RIMS1: variants seen among roughly 807,000 people sequenced by gnomAD.
The protein encoded by RIMS1 is regulating synaptic membrane exocytosis 1.
A neutral mutation model predicts 214.1 loss-of-function variants in RIMS1; 83 were observed. The ratio of observed to expected loss-of-function variants is 0.39; its 90% CI spans 0.32 to 0.47. The LOEUF is 0.47. RIMS1 is among the 20% of genes least tolerant of loss of function. The pLI, the probability that RIMS1 is intolerant of heterozygous loss-of-function variation, is 0.99. For synonymous variants in RIMS1, 793 were observed against 786.8 expected (o/e 1.01, Z -0.13); for missense variants, 2,050 against 2,161.8 (o/e 0.95, Z 1.03).
At chr6:72,184,885 C>A (rs112950507) in intron 6 of RIMS1, among the ~76,000 whole-genome samples, 1 of 152,080 alleles carries the variant, frequency 6.6e-6, no homozygotes, top group Non-Finnish European at 1.5e-5. Context: ...AGGGCTGCCT[C>A]TATGTATAAA....
intron 31 of RIMS1, among the ~76,000 whole-genome samples, chr6:72,393,910 A>G (rs1243185496): frequency 2.0e-5 from 3 of 151,948 alleles, no homozygotes; most frequent in Non-Finnish European, 4.4e-5. Flanking sequence ...GTAGGTACAT[A>G]CTCGGCCCCA....
At chr6:72,239,063 A>G (rs1033385785) in intron 9 of RIMS1, among the ~76,000 whole-genome samples, 1 of 152,170 alleles carries the variant, frequency 6.6e-6, no homozygotes, top group Non-Finnish European at 1.5e-5. Flanking sequence ...TCAGTAGGAA[A>G]ATAACTCAAT....
At chr6:72,009,332 G>C (rs1261025647) in intron 2 of RIMS1, among the ~76,000 whole-genome samples, 1 of 152,190 alleles carries the variant, frequency 6.6e-6, no homozygotes, top group Non-Finnish European at 1.5e-5. Context: ...GCAGTGTGTA[G>C]AGGGAAATTT....
At chr6:72,207,076 C>G (rs2053053611) in intron 6 of RIMS1, among the ~76,000 whole-genome samples, 1 of 152,066 alleles carries the variant, frequency 6.6e-6, no homozygotes, top group South Asian at 2.1e-4. Flanking sequence ...AATAAACAAG[C>G]AAGAAGTAGT....
intron 2 of RIMS1, among the ~76,000 whole-genome samples, chr6:71,990,141 A>C (rs1400672306): frequency 1.3e-5 from 2 of 152,194 alleles, no homozygotes; most frequent in African/African-American, 4.8e-5. Flanking sequence ...GTAGTTATAT[A>C]TTTACAAATA....
chr6:72,247,494 C>T (rs776193593), intron 11 of RIMS1, among the ~76,000 whole-genome samples: 2 of 145,052 alleles, frequency 1.4e-5, no homozygotes, highest in Non-Finnish European at 3.0e-5. Flanking sequence ...AAGATCATGC[C>T]ATTGCACTCC....
At chr6:72,382,465 G>GAGAT (rs1256933320) in intron 29 of RIMS1, among the ~76,000 whole-genome samples, 1 of 152,094 alleles carries the variant, frequency 6.6e-6, no homozygotes, top group Non-Finnish European at 1.5e-5. Flanking sequence ...ATAATTGTTG[G>GAGAT]AGATAGATGA....
At chr6:72,113,069 A>T (rs1212903464) in intron 4 of RIMS1, among the ~76,000 whole-genome samples, 1 of 152,190 alleles carries the variant, frequency 6.6e-6, no homozygotes, top group Non-Finnish European at 1.5e-5. Flanking sequence ...TATATTTGCC[A>T]TGGAAAGGTA....
intron 11 of RIMS1, among the ~76,000 whole-genome samples, chr6:72,246,637 T>C (rs1224953963): frequency 6.6e-6 from 1 of 152,068 alleles, no homozygotes; most frequent in African/African-American, 2.4e-5. Flanking sequence ...GAAAGTAGGA[T>C]AAACAAGGAA....
At chr6:71,906,466 GA>G (rs1304337304) in intron 1 of RIMS1, among the ~76,000 whole-genome samples, 1 of 152,016 alleles carries the variant, frequency 6.6e-6, no homozygotes, top group African/African-American at 2.4e-5. Context: ...AAAGAAAACA[GA>G]AAAAATAATT....
intron 1 of RIMS1, among the ~76,000 whole-genome samples, chr6:71,960,138 T>C (rs540743985): frequency 6.6e-6 from 1 of 152,310 alleles, no homozygotes; most frequent in South Asian, 2.1e-4. Flanking sequence ...AGACCATTTT[T>C]AGTTATTTGC....
intron 4 of RIMS1, among the ~76,000 whole-genome samples, chr6:72,167,497 T>C (rs952247093): frequency 6.6e-6 from 1 of 152,140 alleles, no homozygotes; most frequent in Non-Finnish European, 1.5e-5. Flanking sequence ...AATAGTAAAC[T>C]TCAAGTAAGA....
intron 4 of RIMS1, among the ~76,000 whole-genome samples, chr6:72,145,610 CA>C (rs200673446): frequency 8.6e-5 from 13 of 150,554 alleles, no homozygotes; most frequent in African/African-American, 2.9e-4. Flanking sequence ...GACTCCATCT[CA>C]AAAAAAAATC....
At chr6:72,000,144 A>G (rs1804707498) in intron 2 of RIMS1, among the ~76,000 whole-genome samples, 1 of 152,284 alleles carries the variant, frequency 6.6e-6, no homozygotes, top group Non-Finnish European at 1.5e-5. Flanking sequence ...CTTCTTGGAT[A>G]TCAGTATATG....
intron 4 of RIMS1, among the ~76,000 whole-genome samples, chr6:72,166,902 C>T (rs1376525615): frequency 6.6e-6 from 1 of 151,970 alleles, no homozygotes; most frequent in African/African-American, 2.4e-5. Flanking sequence ...TACTTTTTCC[C>T]TTTTAATCTT....
chr6:71,887,524 C>G (rs1488089811), intron 1 of RIMS1, among the ~76,000 whole-genome samples: 1 of 152,070 alleles, frequency 6.6e-6, no homozygotes, highest in African/African-American at 2.4e-5. Flanking sequence ...AGTGGAAGGT[C>G]CCTGGGCTGG....
chr6:72,316,974 C>A lies in RIMS1; in HGVS notation c.4130+3302C>A, dbSNP rs944839620. The stretch of plus-strand genomic sequence containing the variant: ...AGGCCCTAGGCTCTGTGGAGAGGGT[C>A]GAGGGCCCAGTGGCTCCCTGCTGGG... On this transcript the variant is annotated intron_variant, in intron 28 of 33. Coordinates refer to ENST00000521978, the MANE Select transcript of RIMS1 (RefSeq NM_014989.7). The A allele has an allele frequency of 1.9e-5, 11 of 576,928 alleles. No homozygotes were observed. In the African/African-American group the frequency reaches 2.0e-4, roughly 11 times the overall value. The allele number at this position is 576,928 out of a possible 1,614,324, so 35.7% of individuals were successfully genotyped here. A position where few individuals can be genotyped will look rare whatever the true frequency, so the allele number is the denominator to read the frequency against.
intron 12 of RIMS1, 146 bp downstream of exon 12, chr6:72,248,273 A>AT: frequency 1.9e-6 from 1 of 528,272 alleles, no homozygotes; most frequent in South Asian, 3.8e-5. Flanking sequence ...TTTTTCATGC[A>AT]TTTTTTATTA....
rs2077441985 is a variant in RIMS1 at position 72,260,360 on chromosome 6, C to A, written c.3054-345C>A. 2.6e-5 allele frequency among the ~76,000 whole-genome samples: 4 copies of A among 151,848 alleles called. No individual in the cohort carries two copies. In the South Asian group the frequency reaches 8.3e-4, roughly 32 times the overall value. On this transcript the variant is annotated intron_variant, in intron 18 of 33. Transcript: ENST00000521978. ...GTTCAGAATTCCCATTAGTATCAGG[C>A]CAAATTTATAGTATTAAAAAAATAC...
Sources: allele counts gnomAD v4.1 joint callset (sites outside exome capture counted in the v4.1 genomes callset), GRCh38; gene constraint gnomAD v4.1.1; transcripts MANE v1.5; gene names NCBI Gene and HGNC (gene_info 2026-07-23, HGNC 2026-07-21).